CTNNA2: variants seen among roughly 807,000 people sequenced by gnomAD.
The protein encoded by CTNNA2 is catenin alpha 2.
CTNNA2 carries 42 observed loss-of-function variants against 101.0 expected under a neutral mutation model. The ratio of observed to expected loss-of-function variants is 0.42; its 90% confidence interval spans 0.32 to 0.54. The LOEUF is 0.54. CTNNA2 is among the 20% of genes least tolerant of loss of function. The pLI is 0.14. For synonymous variants in CTNNA2, 450 were observed against 456.4 expected (o/e 0.99, Z 0.18); for missense variants, 871 against 1,223.1 (o/e 0.71, Z 4.29).
At chr2:79,907,919 G>T (rs752655571) in intron 6 of CTNNA2, among the ~76,000 whole-genome samples, 18 of 152,256 alleles carry the variant, frequency 1.2e-4, no homozygotes, top group Middle Eastern at 6.8e-3. Flanking sequence ...CATTCCTTAA[G>T]ACTTCAACAT....
At chr2:79,948,082 C>A (rs374794670) in intron 7 of CTNNA2, among the ~76,000 whole-genome samples, 2 of 152,174 alleles carry the variant, frequency 1.3e-5, no homozygotes, top group Admixed American at 1.3e-4. Context: ...TGCACACTAG[C>A]AGCTCAATGC....
intron 7 of CTNNA2, among the ~76,000 whole-genome samples, chr2:80,014,545 A>G (rs1694003924): frequency 6.6e-6 from 1 of 152,206 alleles, no homozygotes; most frequent in Non-Finnish European, 1.5e-5. Context: ...CATAGTGAAT[A>G]CACCAAGCTG....
At chr2:80,196,276 C>A (rs1706827739) in intron 7 of CTNNA2, among the ~76,000 whole-genome samples, 1 of 152,132 alleles carries the variant, frequency 6.6e-6, no homozygotes, top group South Asian at 2.1e-4. Context: ...TAGTTCAGCT[C>A]TTCCTAGTGT....
chr2:80,081,703 C>A (rs1220517465), intron 7 of CTNNA2, among the ~76,000 whole-genome samples: 1 of 151,890 alleles, frequency 6.6e-6, no homozygotes, highest in Non-Finnish European at 1.5e-5. Context: ...TCTCTATTTT[C>A]CATCCAAGTT....
At chr2:79,722,321 A>C (rs1686539694) in intron 2 of CTNNA2, among the ~76,000 whole-genome samples, 1 of 152,188 alleles carries the variant, frequency 6.6e-6, no homozygotes. Flanking sequence ...AAATGGGCTT[A>C]ATTGTATTGT....
chr2:79,835,864 C>G (rs1053214769), intron 3 of CTNNA2, among the ~76,000 whole-genome samples: 2 of 151,734 alleles, frequency 1.3e-5, no homozygotes, highest in South Asian at 2.1e-4. Context: ...ATCTCTTGAC[C>G]TCGTGATCCA....
chr2:79,691,196 C>G (rs149380841), intron 2 of CTNNA2, among the ~76,000 whole-genome samples: 47 of 151,868 alleles, frequency 3.1e-4, no homozygotes, highest in Non-Finnish European at 5.3e-4. Flanking sequence ...TGTGGTCATA[C>G]AGTAAGTAGA....
At chr2:80,229,132 A>C (rs534228392) in intron 7 of CTNNA2, among the ~76,000 whole-genome samples, 2 of 151,990 alleles carry the variant, frequency 1.3e-5, no homozygotes, top group Admixed American at 1.3e-4. Context: ...TAGAAATGAA[A>C]CTCTTTTTTC....
At chr2:80,423,085 T>C (rs1680677655) in intron 9 of CTNNA2, among the ~76,000 whole-genome samples, 1 of 151,162 alleles carries the variant, frequency 6.6e-6, no homozygotes, top group African/African-American at 2.5e-5. Context: ...TAGTATGCTC[T>C]CTTTTTTCCT....
chr2:79,651,243 G>T (rs558398614), intron 1 of CTNNA2, among the ~76,000 whole-genome samples: 2 of 152,076 alleles, frequency 1.3e-5, no homozygotes, highest in Admixed American at 1.3e-4. Context: ...GAAACCTTTC[G>T]CAGCATATAG....
At chr2:80,134,439 G>A (rs766066600) in intron 7 of CTNNA2, among the ~76,000 whole-genome samples, 6 of 152,080 alleles carry the variant, frequency 3.9e-5, no homozygotes, top group Non-Finnish European at 8.8e-5. Context: ...TATGCAACCC[G>A]CTAATGACCC....
chr2:79,453,232 A>G (rs1303696237), intron 4 of CTNNA2, among the ~76,000 whole-genome samples: 1 of 152,276 alleles, frequency 6.6e-6, no homozygotes, highest in African/African-American at 2.4e-5. Context: ...ATTCCTGCAC[A>G]TTACTTAGTA....
intron 14 of CTNNA2, among the ~76,000 whole-genome samples, chr2:80,587,523 T>C (rs756277075): frequency 6.6e-6 from 1 of 152,208 alleles, no homozygotes; most frequent in Non-Finnish European, 1.5e-5. Context: ...GCCCATATTC[T>C]ATCTGAAGAG....
intron 7 of CTNNA2, among the ~76,000 whole-genome samples, chr2:80,102,526 T>C (rs1445219069): frequency 6.6e-6 from 1 of 152,200 alleles, no homozygotes; most frequent in Non-Finnish European, 1.5e-5. Flanking sequence ...TGTATTTATT[T>C]AGAGACAGAG....
At chr2:79,319,755 T>A (rs1676576058) in intron 3 of CTNNA2, 2 of 152,126 alleles carry the variant, frequency 1.3e-5, no homozygotes, top group African/African-American at 2.4e-5. Context: ...ACACTAAAAC[T>A]TTTCTGCCCA....
At chr2:79,663,279 G>T (rs2861856) in intron 2 of CTNNA2, among the ~76,000 whole-genome samples, 1 of 151,914 alleles carries the variant, frequency 6.6e-6, no homozygotes. Context: ...TTCTCTATTC[G>T]GCAACCAGAG....
intron 9 of CTNNA2, among the ~76,000 whole-genome samples, chr2:80,530,818 A>T (rs992045105): frequency 1.3e-5 from 2 of 152,170 alleles, no homozygotes; most frequent in Non-Finnish European, 2.9e-5. Context: ...CTGGGAATGG[A>T]TGGGATTGCT....
chr2:79,841,026 T>G (rs372119298), intron 3 of CTNNA2, among the ~76,000 whole-genome samples: 2 of 151,828 alleles, frequency 1.3e-5, no homozygotes, highest in African/African-American at 4.8e-5. Flanking sequence ...GCCTCGGCCT[T>G]CCAAAGTGCT....
intron 7 of CTNNA2, among the ~76,000 whole-genome samples, chr2:79,919,829 T>C (rs1686531337): frequency 6.6e-6 from 1 of 152,162 alleles, no homozygotes; most frequent in Non-Finnish European, 1.5e-5. Context: ...CTCTGAGAGG[T>C]ATTTTTCTTG....
Sources: gnomAD v4.1 joint callset for allele counts (sites outside exome capture counted in the v4.1 genomes callset) on GRCh38, gnomAD v4.1.1 for gene constraint, MANE v1.5 for transcripts, NCBI Gene and HGNC (gene_info 2026-07-23, HGNC 2026-07-21) for gene names.